TSEN15: variants seen among roughly 807,000 people sequenced by gnomAD.
TSEN15 encodes tRNA splicing endonuclease subunit 15, also known as tRNA-splicing endonuclease subunit Sen15.
In TSEN15, 10 loss-of-function variants were observed where a neutral mutation model predicts 20.5. That is an observed-to-expected ratio of 0.49 (90% CI 0.30 to 0.83). The LOEUF (loss-of-function observed/expected upper bound fraction) is 0.83. Among genes scored for constraint, TSEN15 ranks in the 40% least tolerant of loss-of-function variants. The probability of loss-of-function intolerance (pLI) is 0.06; values close to 1 mark genes in which losing one functional copy is unlikely to be tolerated. For missense variants in TSEN15, 180 were observed against 218.6 expected (o/e 0.82, Z 1.11); for synonymous variants, 72 against 80.1 (o/e 0.90, Z 0.54).
intron 3 of TSEN15, among the ~76,000 whole-genome samples, chr1:184,063,155 TTTG>T (rs971290359): frequency 2.0e-5 from 3 of 152,080 alleles, no homozygotes; most frequent in African/African-American, 4.8e-5. Flanking sequence ...TGGCATTTCT[TTTG>T]TTGTTATTGT....
downstream of TSEN15, among the ~76,000 whole-genome samples, chr1:184,078,275 G>A (rs951601419): frequency 1.9e-4 from 29 of 152,080 alleles, no homozygotes; most frequent in Non-Finnish European, 4.1e-4. Context: ...TAAAATTAAG[G>A]TGTGTGCATT....
intron 3 of TSEN15, among the ~76,000 whole-genome samples, chr1:184,088,150 AG>A (rs1651296853): frequency 6.6e-6 from 1 of 152,096 alleles, no homozygotes; most frequent in Admixed American, 6.5e-5. Context: ...GGCACCAGCC[AG>A]GGAGGTCTGC....
intron 1 of TSEN15, among the ~76,000 whole-genome samples, chr1:184,052,111 ACT>A (rs2102875025): frequency 1.3e-5 from 2 of 152,312 alleles, no homozygotes; most frequent in African/African-American, 4.8e-5. Flanking sequence ...CCATTTTGGA[ACT>A]GAGAGCCAGA....
chr1:184,051,769 G>A lies in TSEN15; in HGVS notation c.14G>A (p.Gly5Asp), dbSNP rs1412702315. Residue 5 changes from glycine to aspartate, a missense_variant, in exon 1 of 5, where the codon GGC becomes GAC. Around this residue, in one of 3 missense-constraint regions of TSEN15, gnomAD observed 76 missense variants for 66.5 expected, o/e 1.14. Transcript: ENST00000645668. MEERGDSEPTPGCSG... is the reference protein window; with the variant it reads MEERDDSEPTPGCSG... ...GCACCGGCCGGCATGGAGGAGCGCG[G>A]CGATTCCGAGCCGACCCCCGGCTGC... 3.3e-6 allele frequency: 5 copies of A among 1,499,950 alleles called. No individual in the cohort carries two copies. Among genetic ancestry groups the A allele is most frequent in the South Asian group, 2.5e-5 (2 of 79,556 alleles). The allele number at this position is 1,499,950 out of a possible 1,614,324, so 92.9% of individuals were successfully genotyped here.
chr1:184,067,818 C>T (rs975035351), intron 3 of TSEN15, among the ~76,000 whole-genome samples: 1 of 149,942 alleles, frequency 6.7e-6, no homozygotes, highest in Non-Finnish European at 1.5e-5. Flanking sequence ...ACTTGGGAGG[C>T]CTAGTGAGGC....
chr1:184,095,798 T>C (rs937937981), exon 4 of TSEN15: 5 of 398,526 alleles, frequency 1.3e-5, no homozygotes, highest in Non-Finnish European at 2.2e-5. Context: ...TCGGTCTGGA[T>C]TTCTAGTGTC....
chr1:184,058,463 T>A (rs1481912074), intron 3 of TSEN15, among the ~76,000 whole-genome samples: 1 of 151,974 alleles, frequency 6.6e-6, no homozygotes, highest in Non-Finnish European at 1.5e-5. Flanking sequence ...AATGTGTGGG[T>A]GTATATGTGT....
chr1:184,058,533 T>A (rs1188993206), intron 3 of TSEN15, among the ~76,000 whole-genome samples: 2 of 152,096 alleles, frequency 1.3e-5, no homozygotes, highest in African/African-American at 4.8e-5. Flanking sequence ...GTAGGCATAC[T>A]TTTATCTATT....
intron 1 of TSEN15, among the ~76,000 whole-genome samples, chr1:184,052,389 A>T (rs1003561996): frequency 4.6e-5 from 7 of 152,204 alleles, no homozygotes; most frequent in Admixed American, 3.9e-4. Flanking sequence ...CGAAAGTTTG[A>T]ATAGGTTCTT....
In TSEN15 at chr1:184,073,060, TTA is replaced by T. The variant is rs1650951729; in HGVS notation, c.*215_*216del. ...ATAGGGTGATTTCTTTAAAACTTTG[TTA>T]TCTAGAGACAGTTTAATTACAGTTA... On this transcript the variant is annotated 3_prime_UTR_variant, in exon 5 of 5. Coordinates refer to ENST00000645668, the MANE Select transcript of TSEN15 (RefSeq NM_052965.4). 1 of 550,834 alleles carries T rather than the reference TTA, an allele frequency of 1.8e-6. No individual in the cohort carries two copies. Among genetic ancestry groups the T allele is most frequent in the East Asian group, 3.2e-5 (1 of 31,616 alleles). 34.1% of individuals were successfully genotyped at this position (550,834 alleles called of 1,614,324 possible). A position where few individuals can be genotyped will look rare whatever the true frequency, so the allele number is the denominator to read the frequency against.
At chr1:184,082,557 T>C (rs556587520) in intron 3 of TSEN15, among the ~76,000 whole-genome samples, 2 of 152,192 alleles carry the variant, frequency 1.3e-5, no homozygotes, top group South Asian at 4.1e-4. Context: ...TCATTTCCTT[T>C]ATTTCCTTTG....
rs1651002796 is a variant in TSEN15, at chr1:184,074,022, TG to T, written c.*1176del. On this transcript the variant is annotated 3_prime_UTR_variant, in exon 5 of 5. Coordinates refer to ENST00000645668, the MANE Select transcript of TSEN15 (RefSeq NM_052965.4). ...TGAAAATATTACCTTAAGTAAAAAT[TG>T]CAAGACGGAAAAGTGTATAAGTGGG... The T allele has an allele frequency of 1.3e-5, 2 of 152,236 alleles. No individual in the cohort carries two copies. The highest frequency in any genetic ancestry group is 3.9e-4 in the East Asian group (2 of 5,186). 9.4% of individuals were successfully genotyped at this position (152,236 alleles called of 1,614,324 possible).
chr1:184,068,547 A>G (rs1291499907), intron 3 of TSEN15, among the ~76,000 whole-genome samples: 2 of 152,126 alleles, frequency 1.3e-5, no homozygotes, highest in African/African-American at 2.4e-5. Flanking sequence ...CTTGCAGTTC[A>G]TTACAGAATG....
intron 3 of TSEN15, among the ~76,000 whole-genome samples, chr1:184,056,292 T>A (rs1408875267): frequency 6.6e-6 from 1 of 152,152 alleles, no homozygotes; most frequent in Admixed American, 6.5e-5. Context: ...TGGATTATTC[T>A]TATTTTGGTC....
chr1:184,081,986 TAGA>T (rs1435132264), intron 3 of TSEN15, among the ~76,000 whole-genome samples: 2 of 152,214 alleles, frequency 1.3e-5, no homozygotes, highest in South Asian at 2.1e-4. Flanking sequence ...GCCTATAGCA[TAGA>T]AGATTTAGTG....
chr1:184,096,196 G>T (rs184682415), exon 4 of TSEN15: 1 of 153,556 alleles, frequency 6.5e-6, no homozygotes, highest in African/African-American at 2.4e-5. Flanking sequence ...TAATATGACA[G>T]CATCTTTCCT....
intron 3 of TSEN15, among the ~76,000 whole-genome samples, chr1:184,059,640 G>A (rs959184671): frequency 2.6e-5 from 4 of 151,924 alleles, no homozygotes; most frequent in Non-Finnish European, 4.4e-5. Flanking sequence ...GCACAATCTC[G>A]GCACACTGCA....
chr1:184,078,076 A>G (rs1651098466), downstream of TSEN15, among the ~76,000 whole-genome samples: 1 of 152,132 alleles, frequency 6.6e-6, no homozygotes, highest in African/African-American at 2.4e-5. Context: ...TGAAAGGAGG[A>G]GTCAATGATT....
At chr1:184,068,684 T>A (rs1490230077) in intron 3 of TSEN15, among the ~76,000 whole-genome samples, 5 of 152,202 alleles carry the variant, frequency 3.3e-5, no homozygotes, top group Non-Finnish European at 1.5e-5. Context: ...CTGAAACTTT[T>A]CTTTGGGACT....
Sources: gnomAD v4.1 joint callset for allele counts (sites outside exome capture counted in the v4.1 genomes callset) on GRCh38, gnomAD v4.1.1 for gene constraint, gnomAD v4.1.1 regional missense constraint, MANE v1.5 for transcripts, NCBI Gene and HGNC (gene_info 2026-07-23, HGNC 2026-07-21) for gene names.